The following KLHDC4 variants were observed in gnomAD, a reference collection of about 807,000 sequenced individuals.
The protein encoded by KLHDC4 is kelch domain-containing protein 4.
KLHDC4 carries 90 observed loss-of-function variants against 62.4 expected under a neutral mutation model. The ratio of observed to expected loss-of-function variants is 1.44; its 90% CI spans 1.22 to 1.72. The LOEUF (loss-of-function observed/expected upper bound fraction) is 1.72, where lower values mean the gene tolerates loss of function less well. Ranked by LOEUF, KLHDC4 falls within the 40% of genes most tolerant of loss-of-function variation. The pLI is 0.00. For synonymous variants in KLHDC4, 386 were observed against 284.4 expected (o/e 1.36, Z -3.59); for missense variants, 1,025 against 699.7 (o/e 1.47, Z -5.25).
chr16:87,735,942 G>C (rs961289656), intron 5 of KLHDC4, among the ~76,000 whole-genome samples: 1 of 152,192 alleles, frequency 6.6e-6, no homozygotes, highest in African/African-American at 2.4e-5. Context: ...GGTACAGTCA[G>C]AATTAAACAC....
intron 5 of KLHDC4, 21 bp downstream of exon 5, chr16:87,748,652 G>C (rs16943239): frequency 6.2e-7 from 1 of 1,612,658 alleles, no homozygotes. Context: ...CCGGAGCTCA[G>C]CTTCTCATCT....
downstream of KLHDC4, among the ~76,000 whole-genome samples, chr16:87,702,833 G>A (rs142789060): frequency 5.3e-5 from 8 of 152,350 alleles, no homozygotes; most frequent in East Asian, 1.2e-3. Context: ...ATCACGCCGT[G>A]CAATGACAGA....
Position 87,726,732 on chromosome 16 carries a change from ACGCCTTGCCTGTTTCCCCACCCCC to A in KLHDC4, c.759+9_759+32del, listed in dbSNP as rs773704418. The A allele has an allele frequency of 5.7e-6, 6 of 1,043,658 alleles. No homozygotes were observed. The highest frequency in any genetic ancestry group is 2.4e-5 in the African/African-American group (1 of 41,612). The allele number at this position is 1,043,658 out of a possible 1,614,324, so 64.6% of individuals were successfully genotyped here. ...CGCGCCTCGCCTGTTTCCCGGTCCC[ACGCCTTGCCTGTTTCCCCACCCCC>A]CGCCTTACCTGTTTCGAGTAGCCCC... is the stretch of plus-strand genomic sequence containing the variant. On this transcript the variant is annotated intron_variant, in intron 7 of 11. Coordinates refer to ENST00000270583, the MANE Select transcript of KLHDC4 (RefSeq NM_017566.4).
chr16:87,706,349 GCAAA>G (rs1415774774), downstream of KLHDC4, among the ~76,000 whole-genome samples: 2 of 125,012 alleles, frequency 1.6e-5, no homozygotes, highest in Non-Finnish European at 3.3e-5. Context: ...TTGGCGCAAT[GCAAA>G]CACAAGCTGC....
intron 6 of KLHDC4, among the ~76,000 whole-genome samples, chr16:87,727,177 C>T (rs2039516687): frequency 1.1e-5 from 1 of 88,424 alleles, no homozygotes; most frequent in African/African-American, 5.3e-5. Flanking sequence ...GACAGGGCAA[C>T]ATTTTCACCT....
chr16:87,709,205 G>GCGACACA, intron 10 of KLHDC4, 60 bp downstream of exon 10: 1 of 1,551,238 alleles, frequency 6.4e-7, no homozygotes, highest in Non-Finnish European at 8.7e-7. Flanking sequence ...TTCGAGGGAC[G>GCGACACA]CGACACACGA....
chr16:87,747,394 G>C (rs1328690391), intron 5 of KLHDC4, among the ~76,000 whole-genome samples: 1 of 152,196 alleles, frequency 6.6e-6, no homozygotes, highest in East Asian at 1.9e-4. Flanking sequence ...TAAAGCAAAA[G>C]GACAACTGTG....
chr16:87,721,649 C>A (rs1022095304), intron 7 of KLHDC4, among the ~76,000 whole-genome samples: 2 of 152,174 alleles, frequency 1.3e-5, no homozygotes, highest in Admixed American at 1.3e-4. Flanking sequence ...AGTCCACACT[C>A]GCAACAACTC....
At chr16:87,716,260 T>C (rs371017476) in intron 7 of KLHDC4, among the ~76,000 whole-genome samples, 2 of 149,924 alleles carry the variant, frequency 1.3e-5, no homozygotes, top group African/African-American at 2.5e-5. Flanking sequence ...GATACTGACA[T>C]AGACTTTGGG....
Position 87,757,912 on chromosome 16 carries a change from T to C in KLHDC4, c.192-1435A>G, listed in dbSNP as rs1355202558. Among the ~76,000 whole-genome samples, 4 of 151,850 alleles carry C rather than the reference T, an allele frequency of 2.6e-5. 1 individual carries two copies. The highest frequency in any genetic ancestry group is 1.9e-4 in the East Asian group (1 of 5,174). On this transcript the variant is annotated intron_variant, in intron 2 of 11. Coordinates refer to ENST00000270583, the MANE Select transcript of KLHDC4 (RefSeq NM_017566.4). Reference sequence around the variant, plus strand: ...CTTAAAAAAACAAAAAATAAATAAATAAATACATAGGGCCACTTCAGTTGA... The same window carrying C: ...CTTAAAAAAACAAAAAATAAATAAACAAATACATAGGGCCACTTCAGTTGA...
exon 1 of KLHDC4, chr16:87,701,566 C>T (rs1454140134): frequency 1.5e-5 from 6 of 405,984 alleles, no homozygotes; most frequent in Middle Eastern, 3.5e-4. Flanking sequence ...CATGTGTAGC[C>T]GGGTGCTGGG....
exon 1 of KLHDC4, chr16:87,701,471 C>T (rs1051614475): frequency 4.3e-5 from 15 of 349,464 alleles, no homozygotes; most frequent in African/African-American, 2.1e-4. Context: ...GCGGCCACAG[C>T]GTTCATGCCA....
chr16:87,748,621 A>G (rs992079434), intron 5 of KLHDC4, 52 bp downstream of exon 5: 3 of 1,609,698 alleles, frequency 1.9e-6, no homozygotes, highest in South Asian at 1.1e-5. Flanking sequence ...GGCTCAGCAC[A>G]CAAGCACAGA....
At chr16:87,757,330 T>C (rs1390234812) in intron 2 of KLHDC4, 1 of 151,766 alleles carries the variant, frequency 6.6e-6, no homozygotes, top group Non-Finnish European at 1.5e-5. Flanking sequence ...TAGCTGGGCA[T>C]GGTGGTGCGT....
intron 5 of KLHDC4, among the ~76,000 whole-genome samples, chr16:87,742,341 T>A (rs1412490298): frequency 6.6e-6 from 1 of 152,184 alleles, no homozygotes; most frequent in Non-Finnish European, 1.5e-5. Context: ...AAACCACCGT[T>A]AAGAGAATGC....
chr16:87,734,294 A>ACACTGCGC (rs1411253252), intron 5 of KLHDC4, among the ~76,000 whole-genome samples: 1 of 152,120 alleles, frequency 6.6e-6, no homozygotes, highest in East Asian at 1.9e-4. Flanking sequence ...CAGTGAGCCG[A>ACACTGCGC]CACTGCGCCA....
chr16:87,746,367 G>A (rs1425039618), intron 5 of KLHDC4, among the ~76,000 whole-genome samples: 1 of 151,928 alleles, frequency 6.6e-6, no homozygotes, highest in Non-Finnish European at 1.5e-5. Context: ...GAAAGAGAGA[G>A]AGAGCGAGAA....
chr16:87,724,929 G>C (rs997860910), intron 7 of KLHDC4, among the ~76,000 whole-genome samples: 2 of 152,204 alleles, frequency 1.3e-5, no homozygotes, highest in Non-Finnish European at 2.9e-5. Flanking sequence ...CAAAGGCTGT[G>C]TCTTCTGAAG....
intron 5 of KLHDC4, among the ~76,000 whole-genome samples, chr16:87,737,512 C>G (rs1828523251): frequency 6.6e-6 from 1 of 151,736 alleles, no homozygotes; most frequent in Non-Finnish European, 1.5e-5. Context: ...CACTTGAACT[C>G]AGGAGGCGGA....
Sources: gnomAD v4.1 joint callset for allele counts (sites outside exome capture counted in the v4.1 genomes callset) on GRCh38, gnomAD v4.1.1 for gene constraint, MANE v1.5 for transcripts, NCBI Gene and HGNC (gene_info 2026-07-23, HGNC 2026-07-21) for gene names.